The following FYCO1 variants were observed in gnomAD, a reference collection of about 807,000 sequenced individuals.
FYCO1 encodes the protein FYVE and coiled-coil domain-containing protein 1.
FYCO1 carries 122 observed loss-of-function variants against 165.1 expected under a neutral mutation model. The ratio of observed to expected loss-of-function variants is 0.74; its 90% CI spans 0.64 to 0.86. The LOEUF is 0.86. FYCO1 is among the 40% of genes least tolerant of loss of function. The pLI, the probability that FYCO1 is intolerant of heterozygous loss-of-function variation, is 0.00. For synonymous variants in FYCO1, 648 were observed against 742.5 expected (o/e 0.87, Z 2.07); for missense variants, 1,702 against 1,810.3 (o/e 0.94, Z 1.09).
chr3:45,966,265 A>G lies in FYCO1; in HGVS notation c.3057+12T>C. The G allele has an allele frequency of 6.2e-7, 1 of 1,612,758 alleles. No homozygotes were observed. Among genetic ancestry groups the G allele is most frequent in the East Asian group, 2.2e-5 (1 of 44,882 alleles). On this transcript the variant is annotated intron_variant, in intron 8 of 17. Coordinates refer to ENST00000296137, the MANE Select transcript of FYCO1 (RefSeq NM_024513.4). ...AGAGGGGTAGAGCCCAAGTGGTTGAAGCTAGGATTACCTTAAGTCTGCTCT... is the reference window on the plus strand; with the variant it reads ...AGAGGGGTAGAGCCCAAGTGGTTGAGGCTAGGATTACCTTAAGTCTGCTCT...
intron 14 of FYCO1, among the ~76,000 whole-genome samples, chr3:45,953,799 A>T (rs1196014752): frequency 6.6e-6 from 1 of 152,226 alleles, no homozygotes; most frequent in Non-Finnish European, 1.5e-5. Flanking sequence ...CACAGGGTAC[A>T]GAGTAATAGG....
In FYCO1 at chr3:45,964,887, G is replaced by A; in HGVS notation, c.3150+146C>T. ...TCCAGGGAATGGATGGAGGGGGTCA[G>A]GGTACAAACTAGGGTGTCTACAAAG... On this transcript the variant is annotated intron_variant, in intron 9 of 17. Coordinates refer to ENST00000296137, the MANE Select transcript of FYCO1 (RefSeq NM_024513.4). This position sits in a 1 kb window ranked among gnomAD's most constrained non-coding sequence, Gnocchi z 4.1. 2.7e-6 allele frequency: 2 copies of A among 736,528 alleles called. No individual in the cohort carries two copies. Among genetic ancestry groups the A allele is most frequent in the Admixed American group, 2.0e-5 (1 of 49,306 alleles). 45.6% of individuals were successfully genotyped at this position (736,528 alleles called of 1,614,324 possible). A position where few individuals can be genotyped will look rare whatever the true frequency, so the allele number is the denominator to read the frequency against.
At chr3:45,956,716 G>A (rs947192621) in intron 13 of FYCO1, among the ~76,000 whole-genome samples, 2 of 152,060 alleles carry the variant, frequency 1.3e-5, no homozygotes, top group Admixed American at 6.6e-5. Context: ...CAGACAGCAG[G>A]GATCTAAAAT....
intron 16 of FYCO1, among the ~76,000 whole-genome samples, chr3:45,925,809 A>G (rs943410383): frequency 6.6e-6 from 1 of 152,144 alleles, no homozygotes; most frequent in Non-Finnish European, 1.5e-5. Context: ...GCCAGGGGAA[A>G]CTTCTTGGAA....
At chr3:45,949,371 G>A (rs1704847997) in intron 14 of FYCO1, among the ~76,000 whole-genome samples, 1 of 152,212 alleles carries the variant, frequency 6.6e-6, no homozygotes, top group South Asian at 2.1e-4. Context: ...TGACAGAGGG[G>A]CCACCAGTCC....
At chr3:45,987,831 T>C (rs1707379597) in intron 1 of FYCO1, among the ~76,000 whole-genome samples, 1 of 152,230 alleles carries the variant, frequency 6.6e-6, no homozygotes, top group African/African-American at 2.4e-5. Flanking sequence ...CTGGATTTTC[T>C]GGAAACCAGC....
At chr3:45,986,708 G>C (rs1707333840) in intron 1 of FYCO1, among the ~76,000 whole-genome samples, 1 of 152,092 alleles carries the variant, frequency 6.6e-6, no homozygotes. Flanking sequence ...ATCCATCAGG[G>C]ACACCAAACT....
intron 1 of FYCO1, among the ~76,000 whole-genome samples, chr3:45,990,412 T>C (rs1707507111): frequency 2.6e-5 from 4 of 152,188 alleles, no homozygotes; most frequent in African/African-American, 9.7e-5. Flanking sequence ...ACTTGAGGCC[T>C]GGTAAGTGCT....
At chr3:45,932,176 C>T (rs759969449) in intron 15 of FYCO1, among the ~76,000 whole-genome samples, 34 of 152,206 alleles carry the variant, frequency 2.2e-4, no homozygotes, top group Non-Finnish European at 4.0e-4. Context: ...GGGCCCCTTC[C>T]AGGCCGAGTG....
rs1308738801 is a variant in FYCO1 at position 45,993,089 on chromosome 3, T to C, written c.-113+2633A>G. On this transcript the variant is annotated intron_variant, in intron 1 of 17. Coordinates refer to ENST00000296137, the MANE Select transcript of FYCO1 (RefSeq NM_024513.4). This position sits in a 1 kb window ranked among gnomAD's most constrained non-coding sequence, Gnocchi z 4.4. ...TCCCAGCCACAGGGCCACAATACTATACCCAAACCACAGATTCTCCTTAAG... is the reference window on the plus strand; with the variant it reads ...TCCCAGCCACAGGGCCACAATACTACACCCAAACCACAGATTCTCCTTAAG... 6.6e-6 allele frequency among the ~76,000 whole-genome samples: 1 copy of C among 152,158 alleles called. No individual in the cohort carries two copies. The highest frequency in any genetic ancestry group is 1.5e-5 in the Non-Finnish European group (1 of 68,024).
intron 16 of FYCO1, among the ~76,000 whole-genome samples, chr3:45,929,493 T>A (rs1296507202): frequency 6.6e-6 from 1 of 151,944 alleles, no homozygotes; most frequent in African/African-American, 2.4e-5. Context: ...CTGATCTGGG[T>A]GGATTCAGGG....
intron 15 of FYCO1, among the ~76,000 whole-genome samples, chr3:45,933,895 G>C (rs1703756746): frequency 6.6e-6 from 1 of 152,054 alleles, no homozygotes; most frequent in Non-Finnish European, 1.5e-5. Context: ...AAATGTTCTT[G>C]AAACAATAAA....
At chr3:45,975,216 C>G (rs375889330) in intron 5 of FYCO1, 23 bp downstream of exon 5, 1 of 1,517,804 alleles carries the variant, frequency 6.6e-7, no homozygotes, top group South Asian at 1.1e-5. Context: ...TGATCCCAAA[C>G]CCCAGCCCTG....
At chr3:45,951,140 G>A (rs895209686) in intron 14 of FYCO1, among the ~76,000 whole-genome samples, 2 of 152,128 alleles carry the variant, frequency 1.3e-5, no homozygotes, top group African/African-American at 2.4e-5. Context: ...GCAGTGCAAG[G>A]TACTGAGGTG....
At chr3:45,932,365 C>T (rs917635537) in intron 15 of FYCO1, among the ~76,000 whole-genome samples, 3 of 152,228 alleles carry the variant, frequency 2.0e-5, no homozygotes, top group Non-Finnish European at 2.9e-5. Flanking sequence ...TCATAGGCCA[C>T]GCCCTGTGCT....
At chr3:45,927,141 A>T (rs143669306) in intron 16 of FYCO1, among the ~76,000 whole-genome samples, 34 of 152,200 alleles carry the variant, frequency 2.2e-4, no homozygotes, top group African/African-American at 7.7e-4. Context: ...AAACATTATG[A>T]GTTTTTTTAT....
rs1347929410 is a variant in FYCO1, at chr3:45,920,568, A to C, written c.*1197T>G. The C allele has an allele frequency of 6.6e-6, 1 of 152,342 alleles. No individual in the cohort carries two copies. Among genetic ancestry groups the C allele is most frequent in the Non-Finnish European group, 1.5e-5 (1 of 68,060 alleles). The allele number at this position is 152,342 out of a possible 1,614,324, so 9.4% of individuals were successfully genotyped here. On this transcript the variant is annotated 3_prime_UTR_variant, in exon 18 of 18. Coordinates refer to ENST00000296137, the MANE Select transcript of FYCO1 (RefSeq NM_024513.4). ...AGGACCACAGAGAACAGGGAAGATT[A>C]AATAATTCTTGTCTGGGAATAGGGA...
At chr3:45,966,010 T>C (rs76342249) in intron 8 of FYCO1, among the ~76,000 whole-genome samples, 2 of 152,384 alleles carry the variant, frequency 1.3e-5, no homozygotes, top group Middle Eastern at 3.4e-3. Flanking sequence ...TACAAACTTC[T>C]GTGTGGGCTA....
chr3:45,935,779 G>A (rs918942903), intron 15 of FYCO1, among the ~76,000 whole-genome samples: 2 of 152,136 alleles, frequency 1.3e-5, no homozygotes, highest in Non-Finnish European at 2.9e-5. Context: ...GCTTGATGAG[G>A]GCGAGGGGTC....
Sources: allele counts gnomAD v4.1 joint callset (sites outside exome capture counted in the v4.1 genomes callset), GRCh38; gene constraint gnomAD v4.1.1; non-coding constraint Gnocchi (gnomAD v3.1); transcripts MANE v1.5; gene names NCBI Gene and HGNC (gene_info 2026-07-23, HGNC 2026-07-21).